Variants in DGKB observed in about 807,000 individuals in gnomAD.
DGKB encodes the protein diacylglycerol kinase beta.
In DGKB, 67 loss-of-function variants were observed where a neutral mutation model predicts 114.3. The observed-to-expected ratio is 0.59, with a 90% CI of 0.48 to 0.72. The LOEUF (loss-of-function observed/expected upper bound fraction) is 0.72, where lower values mean the gene tolerates loss of function less well. DGKB is among the 30% of genes least tolerant of loss of function. The probability of loss-of-function intolerance (pLI) is 0.00; values close to 1 mark genes in which losing one functional copy is unlikely to be tolerated. For synonymous variants in DGKB, 398 were observed against 323.1 expected, an observed-to-expected ratio of 1.23 and a Z score of -2.49; for missense variants, 907 against 975.2, an observed-to-expected ratio of 0.93 and a Z score of 0.93.
rs569217085 is a variant in DGKB at position 14,429,675 on chromosome 7, C to A, written c.1835+48486G>T. On this transcript the variant is annotated intron_variant, in intron 21 of 25. Coordinates refer to ENST00000402815, the MANE Select transcript of DGKB (RefSeq NM_001350709.2). ...CGGTGGTTCATGCCTGTAATCCCAGCACTTTGAGAGGCCAAGGTGGGCAGA... is the reference window on the plus strand; with the variant it reads ...CGGTGGTTCATGCCTGTAATCCCAGAACTTTGAGAGGCCAAGGTGGGCAGA... Among the ~76,000 whole-genome samples, 10 of 152,254 alleles carry A rather than the reference C, an allele frequency of 6.6e-5. No homozygotes were observed. In the South Asian group the frequency reaches 2.1e-3, roughly 32 times the overall value.
At chr7:14,718,147 G>T (rs1828530663) in intron 6 of DGKB, among the ~76,000 whole-genome samples, 1 of 152,162 alleles carries the variant, frequency 6.6e-6, no homozygotes, top group Admixed American at 6.5e-5. Flanking sequence ...CTGGGGAAAA[G>T]GTGCAGGTTG....
chr7:14,969,811 A>G (rs1787357318), intron 1 of DGKB, among the ~76,000 whole-genome samples: 1 of 152,232 alleles, frequency 6.6e-6, no homozygotes, highest in African/African-American at 2.4e-5. Flanking sequence ...GCAAAACTGT[A>G]TAACACATTA....
chr7:14,679,628 T>C (rs940475633), intron 12 of DGKB, among the ~76,000 whole-genome samples: 3 of 152,098 alleles, frequency 2.0e-5, no homozygotes, highest in Non-Finnish European at 4.4e-5. Flanking sequence ...AAGCCAGCAC[T>C]GGCAGTGCCA....
chr7:14,903,700 CTCTA>C (rs146145083), upstream of DGKB, among the ~76,000 whole-genome samples: 555 of 152,208 alleles, frequency 3.6e-3, 2 homozygotes, highest in African/African-American at 0.013. Flanking sequence ...TTGGGAGAAA[CTCTA>C]TGTATGTGTA....
chr7:14,166,015 G>A (rs539660209), intron 25 of DGKB, among the ~76,000 whole-genome samples: 19 of 152,252 alleles, frequency 1.2e-4, no homozygotes, highest in Non-Finnish European at 2.5e-4. Flanking sequence ...ATAATAAAAG[G>A]TAGGAACAGT....
intron 23 of DGKB, among the ~76,000 whole-genome samples, chr7:14,290,733 C>CT (rs1393998583): frequency 6.6e-6 from 1 of 152,156 alleles, no homozygotes; most frequent in Non-Finnish European, 1.5e-5. Flanking sequence ...GCAAAGATAA[C>CT]TGTCTCCTGT....
intron 23 of DGKB, among the ~76,000 whole-genome samples, chr7:14,262,977 G>C (rs536426742): frequency 1.1e-4 from 17 of 151,938 alleles, no homozygotes; most frequent in Admixed American, 9.2e-4. Flanking sequence ...TTCCTTCCTT[G>C]GAAGGAATCT....
At chr7:14,951,108 G>A (rs10276183) in intron 1 of DGKB, among the ~76,000 whole-genome samples, 4,959 of 150,996 alleles carry the variant, frequency 0.033, 265 homozygotes, top group African/African-American at 0.12. Context: ...TCCTCAGTCT[G>A]ATAAAGGGCA....
At chr7:14,462,302 G>A (rs1176265114) in intron 21 of DGKB, among the ~76,000 whole-genome samples, 1 of 152,160 alleles carries the variant, frequency 6.6e-6, no homozygotes, top group African/African-American at 2.4e-5. Flanking sequence ...AATAGGAAGA[G>A]AGGAAGTCAA....
chr7:14,589,299 T>TG (rs1473869509), intron 17 of DGKB, among the ~76,000 whole-genome samples: 1 of 152,002 alleles, frequency 6.6e-6, no homozygotes, highest in Non-Finnish European at 1.5e-5. Context: ...TGGATACATT[T>TG]GGATTTCTAT....
chr7:14,415,249 C>T (rs886845868), intron 21 of DGKB, among the ~76,000 whole-genome samples: 2 of 151,312 alleles, frequency 1.3e-5, no homozygotes, highest in African/African-American at 2.4e-5. Flanking sequence ...AAATGACATT[C>T]ATATATATAC....
Position 14,455,895 on chromosome 7 carries a change from A to G in DGKB, c.1835+22266T>C, listed in dbSNP as rs1045710353. Among the ~76,000 whole-genome samples the G allele has an allele frequency of 2.6e-5, 4 of 152,156 alleles. No homozygotes were observed. In the East Asian group the frequency reaches 7.7e-4, roughly 29 times the overall value. On this transcript the variant is annotated intron_variant, in intron 21 of 25. Transcript: ENST00000402815. The stretch of plus-strand genomic sequence containing the variant: ...AGGCAATGAAAGCGTCTTCCTTTAA[A>G]AAGTCACTAGTGTTTTGTGTTTATA...
chr7:14,946,326 T>A (rs181046945), intron 1 of DGKB, among the ~76,000 whole-genome samples: 6 of 151,622 alleles, frequency 4.0e-5, no homozygotes, highest in African/African-American at 1.5e-4. Flanking sequence ...GACCAAGGCT[T>A]GAAGAGAAAA....
intron 21 of DGKB, among the ~76,000 whole-genome samples, chr7:14,413,501 TA>T (rs2128748927): frequency 6.6e-6 from 1 of 152,228 alleles, no homozygotes; most frequent in South Asian, 2.1e-4. Flanking sequence ...GGGTTGTATA[TA>T]AAAGTTACGA....
intron 10 of DGKB, among the ~76,000 whole-genome samples, chr7:14,684,951 T>G (rs895245538): frequency 6.6e-6 from 1 of 152,032 alleles, no homozygotes; most frequent in Non-Finnish European, 1.5e-5. Context: ...AGTGGAAATA[T>G]TCAAAATAAT....
At chr7:14,368,093 C>G (rs1283151724) in intron 21 of DGKB, among the ~76,000 whole-genome samples, 3 of 151,910 alleles carry the variant, frequency 2.0e-5, no homozygotes, top group Admixed American at 2.0e-4. Context: ...AGGTTCACAG[C>G]AAAATTGTGC....
rs190232426 is a variant in DGKB, at chr7:14,525,886, T to C, written c.1771-47661A>G. Among the ~76,000 whole-genome samples, 234 of 152,236 alleles carry C rather than the reference T, an allele frequency of 1.5e-3. 2 individuals carry two copies. The highest frequency in any genetic ancestry group is 5.6e-3 in the African/African-American group (231 of 41,550). ...TAAATTGTGAAGTAAAGGAACAATA[T>C]TTGAAGAAATATAGCATTGGAAATG... On this transcript the variant is annotated intron_variant, in intron 20 of 25. Transcript: ENST00000402815.
chr7:14,771,417 G>A (rs945156464), intron 2 of DGKB, among the ~76,000 whole-genome samples: 3 of 152,034 alleles, frequency 2.0e-5, no homozygotes, highest in Admixed American at 6.6e-5. Context: ...CCTCACTTTA[G>A]TCTGGGAACA....
intron 25 of DGKB, among the ~76,000 whole-genome samples, chr7:14,162,342 T>C (rs1483003175): frequency 6.6e-6 from 1 of 152,212 alleles, no homozygotes; most frequent in Non-Finnish European, 1.5e-5. Flanking sequence ...CAGAGGAAGA[T>C]ATTCAGTTTC....
Sources: gnomAD v4.1 joint callset for allele counts (sites outside exome capture counted in the v4.1 genomes callset) on GRCh38, gnomAD v4.1.1 for gene constraint, MANE v1.5 for transcripts, NCBI Gene and HGNC (gene_info 2026-07-23, HGNC 2026-07-21) for gene names.